Variants in CNMD observed in about 807,000 individuals in gnomAD.
CNMD encodes chondromodulin, also known as leukocyte cell-derived chemotaxin 1.
CNMD carries 30 observed loss-of-function variants against 37.5 expected under a neutral mutation model. The ratio of observed to expected loss-of-function variants is 0.80; its 90% confidence interval spans 0.60 to 1.09. CNMD has a LOEUF of 1.09. Among genes scored for constraint, CNMD ranks in the 50% least tolerant of loss-of-function variants. The probability of loss-of-function intolerance (pLI) is 0.00; values close to 1 mark genes in which losing one functional copy is unlikely to be tolerated. For synonymous variants in CNMD, 167 were observed against 148.2 expected, an observed-to-expected ratio of 1.13 and a Z score of -0.92; for missense variants, 398 against 423.9, an observed-to-expected ratio of 0.94 and a Z score of 0.54.
Position 52,733,347 on chromosome 13 carries a change from G to T in CNMD, c.226C>A (p.His76Asn). ...KGSDSHIYNV[H>N]YTMSINGKLQ... ...TTCCCATTGATACTCATGGTGTAAT[G>T]GACATTGTAAATCTGAAAGTGAGCA... The change falls in exon 3 of 7, where the codon CAT (histidine) becomes AAT (asparagine). Residue 76 changes from histidine (H) to asparagine (N), a missense_variant. Coordinates refer to ENST00000377962, the MANE Select transcript of CNMD (RefSeq NM_007015.3). 1.2e-6 allele frequency: 2 copies of T among 1,613,858 alleles called. No individual in the cohort carries two copies. The highest frequency in any genetic ancestry group is 2.2e-5 in the East Asian group (1 of 44,868).
At chr13:52,725,987 T>G (rs1964566268) in intron 3 of CNMD, among the ~76,000 whole-genome samples, 1 of 152,232 alleles carries the variant, frequency 6.6e-6, no homozygotes, top group Admixed American at 6.5e-5. Flanking sequence ...TCTTTATTAT[T>G]TGTCTTGTGG....
rs762524495 is a variant in CNMD, at chr13:52,739,622, G to A, written c.72+8C>T. The A allele has an allele frequency of 2.5e-6, 4 of 1,612,182 alleles. No individual in the cohort carries two copies. In the South Asian group the frequency reaches 4.4e-5, roughly 18 times the overall value. On this transcript the variant is annotated splice_region_variant and intron_variant, in intron 1 of 6. Transcript: ENST00000377962. The surrounding 1 kb of genome is among the most constrained non-coding windows in gnomAD (Gnocchi z 5.4). ...GGCCCTGCGTGTGGAATCCCTGGCG[G>A]TACTCACCGGGGGGCTGCAGAATTC...
At chr13:52,734,227 G>C (rs1964720725) in intron 2 of CNMD, among the ~76,000 whole-genome samples, 1 of 152,178 alleles carries the variant, frequency 6.6e-6, no homozygotes, top group Non-Finnish European at 1.5e-5. Flanking sequence ...GACCTCATAG[G>C]TGGCTTTCAT....
rs781648223 is a variant in CNMD, at chr13:52,739,003, G to T, written c.213+28C>A. ...TAGGGGCACCATGGGCGACACGGGG[G>T]TCCCCGCGCGCCGCCCTCTGGACTT... On this transcript the variant is annotated intron_variant, in intron 2 of 6. Transcript: ENST00000377962. The surrounding 1 kb of genome is among the most constrained non-coding windows in gnomAD (Gnocchi z 5.4). The T allele has an allele frequency of 6.5e-7, 1 of 1,541,680 alleles. No individual in the cohort carries two copies. The highest frequency in any genetic ancestry group is 8.7e-7 in the Non-Finnish European group (1 of 1,151,000).
chr13:52,709,382 C>T (rs1468230500), intron 5 of CNMD, among the ~76,000 whole-genome samples: 3 of 152,188 alleles, frequency 2.0e-5, no homozygotes, highest in African/African-American at 7.2e-5. Flanking sequence ...TTGTTGAAAC[C>T]ACTGTTGATC....
At chr13:52,738,965 C>A in intron 2 of CNMD, 66 bp downstream of exon 2, 1 of 1,382,986 alleles carries the variant, frequency 7.2e-7, no homozygotes, top group Admixed American at 3.2e-5. Context: ...CCGGCCCGCG[C>A]TCGGGCTCCC....
chr13:52,724,555 C>T (rs1594285544), intron 3 of CNMD, among the ~76,000 whole-genome samples: 1 of 151,924 alleles, frequency 6.6e-6, no homozygotes, highest in Non-Finnish European at 1.5e-5. Context: ...TGCGCCACTG[C>T]ACTCCACAGC....
intron 4 of CNMD, among the ~76,000 whole-genome samples, chr13:52,715,536 T>C (rs920308213): frequency 6.6e-6 from 1 of 152,212 alleles, no homozygotes; most frequent in South Asian, 2.1e-4. Context: ...CGGTGTGTGA[T>C]GTTCCCCTCC....
rs562705967 is a variant in CNMD at position 52,730,301 on chromosome 13, A to G, written c.354+2918T>C. On this transcript the variant is annotated intron_variant, in intron 3 of 6. Coordinates refer to ENST00000377962, the MANE Select transcript of CNMD (RefSeq NM_007015.3). The stretch of plus-strand genomic sequence containing the variant: ...TAAACATACGTGTGCATGTGTCTTT[A>G]TAGCAGCATGATTTATAATCCTTTG... 2.2e-3 allele frequency among the ~76,000 whole-genome samples: 333 copies of G among 152,244 alleles called. 1 individual carries two copies. The highest frequency in any genetic ancestry group is 6.3e-3 in the African/African-American group (261 of 41,524).
intron 2 of CNMD, among the ~76,000 whole-genome samples, chr13:52,735,727 T>C (rs1183089179): frequency 6.6e-6 from 1 of 151,866 alleles, no homozygotes; most frequent in Non-Finnish European, 1.5e-5. Context: ...AGTTTACGAA[T>C]TTGTGTTGGG....
chr13:52,730,518 A>G (rs1964647456), intron 3 of CNMD, among the ~76,000 whole-genome samples: 1 of 151,868 alleles, frequency 6.6e-6, no homozygotes. Context: ...TGCCATTCTA[A>G]CTGGTGTGAG....
At chr13:52,709,666 A>G (rs1222089675) in intron 5 of CNMD, among the ~76,000 whole-genome samples, 1 of 152,152 alleles carries the variant, frequency 6.6e-6, no homozygotes, top group Non-Finnish European at 1.5e-5. Context: ...AGCAGGGCTG[A>G]TGGCTGCCAA....
chr13:52,734,294 C>T (rs535505231), intron 2 of CNMD, among the ~76,000 whole-genome samples: 1 of 152,344 alleles, frequency 6.6e-6, no homozygotes, highest in South Asian at 2.1e-4. Flanking sequence ...GAGGATGGCA[C>T]TGTGGCACTC....
intron 3 of CNMD, among the ~76,000 whole-genome samples, chr13:52,725,406 T>C (rs535607217): frequency 2.6e-5 from 4 of 152,076 alleles, no homozygotes; most frequent in Admixed American, 2.6e-4. Context: ...ACTTTCCTTC[T>C]ATACCTTACC....
intron 2 of CNMD, among the ~76,000 whole-genome samples, chr13:52,737,203 T>C (rs552602931): frequency 5.9e-5 from 9 of 152,316 alleles, no homozygotes; most frequent in African/African-American, 2.2e-4. Flanking sequence ...GCTATTTAGA[T>C]TTGTATTCAG....
At chr13:52,706,637 A>AT (rs1436027001) in intron 6 of CNMD, among the ~76,000 whole-genome samples, 1 of 152,212 alleles carries the variant, frequency 6.6e-6, no homozygotes, top group African/African-American at 2.4e-5. Context: ...AATAGTAGTC[A>AT]TTAAATGAAT....
At chr13:52,732,992 T>G in intron 3 of CNMD, 1 of 552,230 alleles carries the variant, frequency 1.8e-6, no homozygotes, top group Non-Finnish European at 3.2e-6. Context: ...TTTTTGTTTT[T>G]GGTATTTTAC....
chr13:52,705,968 T>C (rs1594274192), intron 6 of CNMD, among the ~76,000 whole-genome samples: 1 of 152,238 alleles, frequency 6.6e-6, no homozygotes, highest in African/African-American at 2.4e-5. Context: ...CATCCTGAAT[T>C]TTCTGATAAG....
chr13:52,739,341 C>G lies in CNMD; in HGVS notation c.73-170G>C. The G allele has an allele frequency of 2.4e-6, 2 of 821,656 alleles. No individual in the cohort carries two copies. Among genetic ancestry groups the G allele is most frequent in the Non-Finnish European group, 3.6e-6 (2 of 550,686 alleles). The allele number at this position is 821,656 out of a possible 1,614,324, so 50.9% of individuals were successfully genotyped here. A position where few individuals can be genotyped will look rare whatever the true frequency, so the allele number is the denominator to read the frequency against. On this transcript the variant is annotated intron_variant, in intron 1 of 6. Transcript: ENST00000377962. This position sits in a 1 kb window ranked among gnomAD's most constrained non-coding sequence, Gnocchi z 5.4. The stretch of plus-strand genomic sequence containing the variant: ...TTCGCCGCGCTCCCTCCCGAGGGTC[C>G]TTTGCAGTCGGGCGTGGAAGTGGGA...
Sources: allele counts gnomAD v4.1 joint callset (sites outside exome capture counted in the v4.1 genomes callset), GRCh38; gene constraint gnomAD v4.1.1; non-coding constraint Gnocchi (gnomAD v3.1); transcripts MANE v1.5; gene names NCBI Gene and HGNC (gene_info 2026-07-23, HGNC 2026-07-21).